Variants in PDE11A observed in about 807,000 individuals in gnomAD.
The protein encoded by PDE11A is phosphodiesterase 11A, also known as dual 3',5'-cyclic-AMP and -GMP phosphodiesterase 11A.
PDE11A carries 100 observed loss-of-function variants against 100.5 expected under a neutral mutation model. The ratio of observed to expected loss-of-function variants is 1.00; its 90% confidence interval spans 0.85 to 1.18. The LOEUF is 1.18. PDE11A is among the 50% of genes most tolerant of loss of function. The probability of loss-of-function intolerance (pLI) is 0.00; values close to 1 mark genes in which losing one functional copy is unlikely to be tolerated. For synonymous variants in PDE11A, 381 were observed against 420.8 expected (o/e 0.91, Z 1.16); for missense variants, 1,141 against 1,152.6 (o/e 0.99, Z 0.15).
intron 3 of PDE11A, among the ~76,000 whole-genome samples, chr2:177,902,225 C>A (rs572236935): frequency 1.3e-5 from 2 of 152,120 alleles, no homozygotes; most frequent in South Asian, 2.1e-4. Context: ...CTAACTGATA[C>A]GATATATTCT....
At chr2:177,641,496 A>G (rs540399825) in intron 19 of PDE11A, among the ~76,000 whole-genome samples, 2 of 151,500 alleles carry the variant, frequency 1.3e-5, no homozygotes, top group South Asian at 4.2e-4. Context: ...TAGTTACTAT[A>G]TGTGAGAGCA....
At chr2:177,727,970 T>A (rs2081624717) in intron 11 of PDE11A, 56 bp downstream of exon 11, 5 of 1,488,148 alleles carry the variant, frequency 3.4e-6, no homozygotes, top group African/African-American at 1.4e-5. Flanking sequence ...TGGTTCAGAG[T>A]GGCTAACACG....
At chr2:177,956,977 G>A (rs910206407) in intron 2 of PDE11A, among the ~76,000 whole-genome samples, 16 of 151,678 alleles carry the variant, frequency 1.1e-4, no homozygotes, top group Non-Finnish European at 2.4e-4. Flanking sequence ...GGTGCAGCAC[G>A]CCAACATGGC....
intron 4 of PDE11A, among the ~76,000 whole-genome samples, chr2:177,883,613 A>C (rs998226168): frequency 6.6e-6 from 1 of 152,208 alleles, no homozygotes; most frequent in Non-Finnish European, 1.5e-5. Context: ...AAGTGGGGGA[A>C]GTTTCCCAGG....
chr2:177,629,690 G>A, intron 19 of PDE11A, 128 bp from the exon 20 acceptor site: 1 of 916,846 alleles, frequency 1.1e-6, no homozygotes. Context: ...GATTATTTTG[G>A]TAAACAAGAG....
intron 2 of PDE11A, among the ~76,000 whole-genome samples, chr2:178,081,481 T>C (rs968889590): frequency 2.0e-5 from 3 of 152,222 alleles, no homozygotes; most frequent in Admixed American, 6.5e-5. Context: ...CAGTCTCTCA[T>C]CAAATATTCT....
intron 2 of PDE11A, among the ~76,000 whole-genome samples, chr2:177,947,684 T>C (rs1476402057): frequency 6.6e-6 from 1 of 151,774 alleles, no homozygotes; most frequent in African/African-American, 2.4e-5. Context: ...TTCACTTGTT[T>C]ATCTGCTGAC....
intron 19 of PDE11A, among the ~76,000 whole-genome samples, chr2:177,634,390 C>CTTTTTTTT (rs776055378): frequency 1.4e-5 from 2 of 146,388 alleles, no homozygotes; most frequent in African/African-American, 5.1e-5. Flanking sequence ...TTCTCTCTCT[C>CTTTTTTTT]TTTTTTTTTT....
chr2:177,714,416 A>G (rs188598495), intron 12 of PDE11A, among the ~76,000 whole-genome samples: 126 of 152,312 alleles, frequency 8.3e-4, no homozygotes, highest in African/African-American at 2.9e-3. Flanking sequence ...TAACTTATGG[A>G]GTTCTCATAA....
intron 1 of PDE11A, among the ~76,000 whole-genome samples, chr2:178,046,030 T>C (rs918014447): frequency 5.3e-5 from 8 of 152,240 alleles, no homozygotes; most frequent in African/African-American, 1.9e-4. Context: ...ACTAGCTGTA[T>C]AAACTTGGGA....
At chr2:177,879,014 CA>C (rs914047940) in intron 4 of PDE11A, among the ~76,000 whole-genome samples, 5 of 152,122 alleles carry the variant, frequency 3.3e-5, no homozygotes, top group African/African-American at 7.2e-5. Flanking sequence ...TTGAGCAGGA[CA>C]TTTTTTTAAT....
In PDE11A at chr2:177,647,968, T is replaced by C. The variant is rs545853844; in HGVS notation, c.2646+15898A>G. Among the ~76,000 whole-genome samples the C allele has an allele frequency of 2.0e-3, 310 of 151,966 alleles. 2 individuals are homozygous for C. Among genetic ancestry groups the C allele is most frequent in the Non-Finnish European group, 3.8e-3 (257 of 67,952 alleles). On this transcript the variant is annotated intron_variant, in intron 19 of 19. Coordinates refer to ENST00000286063, the MANE Select transcript of PDE11A (RefSeq NM_016953.4). ...TCTACAGAAAAATTTAAAAATTAGC[T>C]TGGTGTGGTGGTGTGCACCTGCAAT... is the stretch of plus-strand genomic sequence containing the variant.
intron 5 of PDE11A, among the ~76,000 whole-genome samples, chr2:177,844,859 G>A (rs1349232973): frequency 6.6e-6 from 1 of 151,962 alleles, no homozygotes. Context: ...TTGGGGGCAA[G>A]GTCACAGATC....
intron 2 of PDE11A, among the ~76,000 whole-genome samples, chr2:177,986,612 A>G (rs1443509235): frequency 6.6e-6 from 1 of 152,080 alleles, no homozygotes; most frequent in Non-Finnish European, 1.5e-5. Context: ...TGGGAGGATC[A>G]CGAGGTCAAG....
At chr2:178,074,457 C>T (rs552295604), upstream of PDE11A, among the ~76,000 whole-genome samples, 12 of 151,972 alleles carry the variant, frequency 7.9e-5, no homozygotes, top group Non-Finnish European at 1.5e-4. Flanking sequence ...GTGTTGTGCA[C>T]GGAGACAAGA....
chr2:177,785,254 G>C (rs550655384), intron 9 of PDE11A, among the ~76,000 whole-genome samples: 1 of 152,274 alleles, frequency 6.6e-6, no homozygotes, highest in East Asian at 1.9e-4. Context: ...CTGATTTCAA[G>C]GAAGTGAGGC....
At chr2:177,680,561 A>G (rs1559140023) in intron 16 of PDE11A, among the ~76,000 whole-genome samples, 1 of 152,208 alleles carries the variant, frequency 6.6e-6, no homozygotes, top group Non-Finnish European at 1.5e-5. Context: ...AGGAAACAGA[A>G]GAAATCATGG....
intron 10 of PDE11A, among the ~76,000 whole-genome samples, chr2:177,734,282 C>T (rs1446662271): frequency 1.3e-5 from 2 of 151,680 alleles, no homozygotes; most frequent in South Asian, 4.2e-4. Flanking sequence ...AGAATCAACT[C>T]GAATACTCCC....
intron 2 of PDE11A, chr2:177,998,458 G>A (rs1489991521): frequency 4.8e-6 from 6 of 1,249,292 alleles, no homozygotes; most frequent in East Asian, 2.3e-5. Context: ...GACTCCAAAA[G>A]TTGCATTAGT....
Sources: gnomAD v4.1 joint callset for allele counts (sites outside exome capture counted in the v4.1 genomes callset) on GRCh38, gnomAD v4.1.1 for gene constraint, MANE v1.5 for transcripts, NCBI Gene and HGNC (gene_info 2026-07-23, HGNC 2026-07-21) for gene names.